The following CNTN4 variants were observed in gnomAD, a reference collection of about 807,000 sequenced individuals.
The protein encoded by CNTN4 is contactin 4.
A neutral mutation model predicts 122.5 loss-of-function variants in CNTN4; 77 were observed. That is an observed-to-expected ratio of 0.63 (90% CI 0.52 to 0.76). The LOEUF is 0.76. CNTN4 is among the 30% of genes least tolerant of loss of function. The pLI, the probability that CNTN4 is intolerant of heterozygous loss-of-function variation, is 0.00. For missense variants in CNTN4, 1,256 were observed against 1,259.1 expected (o/e 1.00, Z 0.04); for synonymous variants, 512 against 447.0 (o/e 1.15, Z -1.83).
chr3:2,847,734 C>G (rs1314383869), intron 7 of CNTN4, among the ~76,000 whole-genome samples: 2 of 152,170 alleles, frequency 1.3e-5, no homozygotes, highest in African/African-American at 2.4e-5. Context: ...TTGGGAAACA[C>G]TTTCCCTCAT....
chr3:2,752,173 T>C (rs1188593603), intron 6 of CNTN4, among the ~76,000 whole-genome samples: 1 of 152,198 alleles, frequency 6.6e-6, no homozygotes, highest in Non-Finnish European at 1.5e-5. Flanking sequence ...AAAAACTTAA[T>C]TGACTCATAG....
At chr3:2,952,786 T>C (rs751752956) in intron 13 of CNTN4, among the ~76,000 whole-genome samples, 3 of 152,190 alleles carry the variant, frequency 2.0e-5, no homozygotes, top group Non-Finnish European at 4.4e-5. Context: ...TTGCATCAAA[T>C]CTCTAGTATT....
At chr3:2,190,332 T>G (rs995310695) in intron 2 of CNTN4, among the ~76,000 whole-genome samples, 38 of 140,622 alleles carry the variant, frequency 2.7e-4, no homozygotes, top group Admixed American at 5.6e-4. Flanking sequence ...TGTCTTTGTG[T>G]TTTTTTTTTC....
At chr3:2,528,575 A>G (rs546971997) in intron 3 of CNTN4, among the ~76,000 whole-genome samples, 1 of 152,292 alleles carries the variant, frequency 6.6e-6, no homozygotes, top group Non-Finnish European at 1.5e-5. Context: ...TTACTGACCC[A>G]TTTTATTAAA....
intron 9 of CNTN4, among the ~76,000 whole-genome samples, chr3:2,885,520 T>G (rs1184454854): frequency 1.3e-5 from 2 of 152,218 alleles, no homozygotes; most frequent in South Asian, 4.1e-4. Context: ...TTCCTGTATG[T>G]CAGCAATAGG....
At chr3:2,527,257 G>A (rs966656888) in intron 3 of CNTN4, among the ~76,000 whole-genome samples, 4 of 152,138 alleles carry the variant, frequency 2.6e-5, no homozygotes. Context: ...CAGAGCCTTG[G>A]CCCTGTTTCA....
intron 2 of CNTN4, among the ~76,000 whole-genome samples, chr3:2,315,995 A>G (rs149694329): frequency 5.8e-4 from 88 of 152,180 alleles, no homozygotes; most frequent in African/African-American, 2.1e-3. Context: ...TGAGACTTCT[A>G]ACTTCTGGTA....
chr3:2,458,917 G>T (rs534032475), intron 3 of CNTN4, among the ~76,000 whole-genome samples: 1 of 152,068 alleles, frequency 6.6e-6, no homozygotes, highest in South Asian at 2.1e-4. Context: ...TGGATCTTTC[G>T]TCTGTACATT....
At chr3:2,300,649 G>C (rs1346185462) in intron 2 of CNTN4, among the ~76,000 whole-genome samples, 1 of 132,550 alleles carries the variant, frequency 7.5e-6, no homozygotes, top group African/African-American at 2.9e-5. Flanking sequence ...TCGGCTCACT[G>C]CAACCTCTGC....
At chr3:2,973,172 G>A (rs1347058427) in intron 13 of CNTN4, among the ~76,000 whole-genome samples, 2 of 152,012 alleles carry the variant, frequency 1.3e-5, no homozygotes, top group Admixed American at 1.3e-4. Context: ...GAAAATAGTT[G>A]AGTCTAATTA....
chr3:2,360,657 C>T (rs9838368), intron 3 of CNTN4, among the ~76,000 whole-genome samples: 2,507 of 152,216 alleles, frequency 0.016, 66 homozygotes, highest in African/African-American at 0.057. Context: ...AAGCAAGGAA[C>T]CTTCTTCACA....
At chr3:2,121,643 CAG>C (rs1241650519) in intron 2 of CNTN4, among the ~76,000 whole-genome samples, 9 of 152,146 alleles carry the variant, frequency 5.9e-5, no homozygotes, top group Non-Finnish European at 1.3e-4. Context: ...TGTAATTTGT[CAG>C]AGTTTCCATT....
chr3:2,873,599 G>C (rs1160284105), intron 8 of CNTN4, among the ~76,000 whole-genome samples: 1 of 152,160 alleles, frequency 6.6e-6, no homozygotes, highest in Non-Finnish European at 1.5e-5. Context: ...CTCCATTATG[G>C]TCTTGCCAAC....
chr3:2,345,117 A>G (rs1290341276), intron 3 of CNTN4, among the ~76,000 whole-genome samples: 1 of 152,220 alleles, frequency 6.6e-6, no homozygotes, highest in African/African-American at 2.4e-5. Context: ...GTGAGATGTT[A>G]GAACTAAGAG....
At chr3:2,186,200 G>C (rs1418259589) in intron 2 of CNTN4, among the ~76,000 whole-genome samples, 4 of 151,650 alleles carry the variant, frequency 2.6e-5, no homozygotes, top group Non-Finnish European at 4.4e-5. Context: ...TTGTCCTTGC[G>C]ATGGTTTGCT....
intron 2 of CNTN4, among the ~76,000 whole-genome samples, chr3:2,124,074 G>T (rs74397470): frequency 0.022 from 3,336 of 152,230 alleles, 126 homozygotes; most frequent in African/African-American, 0.076. Flanking sequence ...CTTGCTTGTG[G>T]AATGAAAATA....
chr3:2,879,436 T>A (rs2093882035), intron 8 of CNTN4, among the ~76,000 whole-genome samples: 1 of 152,178 alleles, frequency 6.6e-6, no homozygotes, highest in Non-Finnish European at 1.5e-5. Flanking sequence ...TTAAAGCATC[T>A]CTAGGAAACT....
intron 3 of CNTN4, among the ~76,000 whole-genome samples, chr3:2,394,725 G>A (rs1251840354): frequency 6.7e-6 from 1 of 149,768 alleles, no homozygotes; most frequent in African/African-American, 2.5e-5. Flanking sequence ...TATTATGTTT[G>A]TACACAAAGG....
In CNTN4 at chr3:2,787,362, C is replaced by T. The variant is rs550087476; in HGVS notation, c.359-32124C>T. 1.6e-4 allele frequency among the ~76,000 whole-genome samples: 25 copies of T among 151,986 alleles called. No homozygotes were observed. In the South Asian group the frequency reaches 1.7e-3, roughly 10 times the overall value. Reference sequence around the variant, plus strand: ...CTGCTCTCCAGCCTGGGCAGCAGAGCGAGACTCCGCCTCAAAAAAACATAC... The same window carrying T: ...CTGCTCTCCAGCCTGGGCAGCAGAGTGAGACTCCGCCTCAAAAAAACATAC... On this transcript the variant is annotated intron_variant, in intron 6 of 24. Transcript: ENST00000418658.
Sources: allele counts gnomAD v4.1 joint callset (sites outside exome capture counted in the v4.1 genomes callset), GRCh38; gene constraint gnomAD v4.1.1; transcripts MANE v1.5; gene names NCBI Gene and HGNC (gene_info 2026-07-23, HGNC 2026-07-21).